INCENP: variants seen among roughly 807,000 people sequenced by gnomAD.
The protein encoded by INCENP is binds and activates aurora-B and -C in vivo and in vitro.
In INCENP, 43 loss-of-function variants were observed where a neutral mutation model predicts 107.3. The ratio of observed to expected loss-of-function variants is 0.40; its 90% confidence interval spans 0.31 to 0.52. INCENP has a LOEUF of 0.52. Ranked by LOEUF, INCENP falls within the 20% of genes least tolerant of loss-of-function variation. The pLI, the probability that INCENP is intolerant of heterozygous loss-of-function variation, is 0.53. For missense variants in INCENP, 1,089 were observed against 1,250.9 expected, an observed-to-expected ratio of 0.87 and a Z score of 1.95; for synonymous variants, 488 against 494.4, an observed-to-expected ratio of 0.99 and a Z score of 0.17.
At chr11:62,148,585 G>C (rs534618026) in intron 16 of INCENP, 31 bp downstream of exon 16, 1 of 1,581,252 alleles carries the variant, frequency 6.3e-7, no homozygotes, top group African/African-American at 1.3e-5. Context: ...GGCTCCCCTG[G>C]GGTCTGCCCT....
Position 62,145,220 on chromosome 11 carries a change from G to A in INCENP, c.1767G>A (p.Glu589=), listed in dbSNP as rs1565100284. ...RKVLQARERV[E]QMKEEKKKQI... ...TGCTGCAGGCCCGCGAGCGGGTGGA[G>A]CAGATGAAGGAGGAGAAGAAGAAGC... Residue 589 remains glutamate, a synonymous_variant, in exon 13 of 19, where the codon GAG becomes GAA. Transcript: ENST00000394818. The A allele has an allele frequency of 6.2e-7, 1 of 1,614,148 alleles. No individual in the cohort carries two copies. Among genetic ancestry groups the A allele is most frequent in the South Asian group, 1.1e-5 (1 of 91,088 alleles).
At position 62,150,938 on chromosome 11, in the gene INCENP, C is replaced by T. The variant is rs144031786; in HGVS notation, c.2542+731C>T. Among the ~76,000 whole-genome samples the T allele has an allele frequency of 1.6e-4, 24 of 152,304 alleles. 1 individual carries two copies. The East Asian group carries it at 4.6e-3, about 29-fold the overall frequency. The stretch of plus-strand genomic sequence containing the variant: ...AATCCCATAGCTGGTAGGCACACTA[C>T]AGAAACTTGTTTTTGTGAGTTTCAC... On this transcript the variant is annotated intron_variant, in intron 18 of 18. Coordinates refer to ENST00000394818, the MANE Select transcript of INCENP (RefSeq NM_001040694.2).
At chr11:62,148,950 G>T (rs1944315923) in intron 17 of INCENP, 104 bp downstream of exon 17, 2 of 619,032 alleles carry the variant, frequency 3.2e-6, no homozygotes, top group East Asian at 3.1e-5. Context: ...TAAGGAAAAG[G>T]ACAGATACAC....
At chr11:62,127,603 C>G (rs1371404662) in intron 1 of INCENP, among the ~76,000 whole-genome samples, 2 of 152,166 alleles carry the variant, frequency 1.3e-5, no homozygotes, top group African/African-American at 4.8e-5. Flanking sequence ...CTTCTGCTCA[C>G]TGGCCTCTTA....
At chr11:62,146,071 G>A (rs1944236645) in intron 14 of INCENP, among the ~76,000 whole-genome samples, 1 of 152,240 alleles carries the variant, frequency 6.6e-6, no homozygotes, top group African/African-American at 2.4e-5. Context: ...GTAGCAGTGA[G>A]GGTTAAATGT....
rs1944127389 is a variant in INCENP, at chr11:62,141,707, C to G, written c.1605+196C>G. 7.0e-5 allele frequency: 49 copies of G among 696,886 alleles called. 2 individuals carry two copies. The South Asian group carries it at 8.2e-4, about 12-fold the overall frequency. The allele number at this position is 696,886 out of a possible 1,614,324, so 43.2% of individuals were successfully genotyped here. On this transcript the variant is annotated intron_variant, in intron 11 of 18. Coordinates refer to ENST00000394818, the MANE Select transcript of INCENP (RefSeq NM_001040694.2). The stretch of plus-strand genomic sequence containing the variant: ...CAGTTCTGGGCCCCAGCGTCCTTCT[C>G]TGCCCTCCCTGCCCTTGACTCTGCT...
rs12271714 is a variant in INCENP, at chr11:62,138,513, G to A, written c.1116-200G>A. Among the ~76,000 whole-genome samples, 6,367 of 152,264 alleles carry A rather than the reference G, an allele frequency of 0.042. 472 individuals carry two copies. Among genetic ancestry groups the A allele is most frequent in the African/African-American group, 0.15 (6,070 of 41,524 alleles). ...GGAGATGAAGCCACATTCTGAAGCT[G>A]ACATCCCTCGTCTGTCCATGGAGCC... On this transcript the variant is annotated intron_variant, in intron 5 of 18. Coordinates refer to ENST00000394818, the MANE Select transcript of INCENP (RefSeq NM_001040694.2).
chr11:62,149,942 T>A (rs1474931272), intron 17 of INCENP, 115 bp from the exon 18 acceptor site: 5 of 1,035,690 alleles, frequency 4.8e-6, no homozygotes, highest in Non-Finnish European at 7.1e-6. Flanking sequence ...AAAGTGATCC[T>A]GCACCTTTTG....
intron 1 of INCENP, among the ~76,000 whole-genome samples, chr11:62,125,233 A>G (rs1237748246): frequency 2.6e-5 from 4 of 152,148 alleles, no homozygotes; most frequent in Non-Finnish European, 5.9e-5. Flanking sequence ...ACTTACGGTA[A>G]CCCTTTTTAA....
chr11:62,133,281 A>G lies in INCENP; in HGVS notation c.1063+2691A>G, dbSNP rs115271644. Among the ~76,000 whole-genome samples, 1,369 of 152,188 alleles carry G rather than the reference A, an allele frequency of 9.0e-3. 30 individuals are homozygous for G. Among genetic ancestry groups the G allele is most frequent in the African/African-American group, 0.031 (1,293 of 41,572 alleles). On this transcript the variant is annotated intron_variant, in intron 4 of 18. Coordinates refer to ENST00000394818, the MANE Select transcript of INCENP (RefSeq NM_001040694.2). ...AAAATTAAATTCGGGATGGGAAGGA[A>G]ACACCTGCACCAGAGGAATGGAAAA...
rs763216909 is a variant in INCENP, at chr11:62,145,128, A to G, written c.1715+37A>G. On this transcript the variant is annotated intron_variant, in intron 12 of 18. Coordinates refer to ENST00000394818, the MANE Select transcript of INCENP (RefSeq NM_001040694.2). Reference sequence around the variant, plus strand: ...GGCTTCCTGGACTGTGGCCCATCCCAGCCTTGGTGGGGCTCCCCATGACTA... The same window carrying G: ...GGCTTCCTGGACTGTGGCCCATCCCGGCCTTGGTGGGGCTCCCCATGACTA... The G allele has an allele frequency of 7.4e-6, 12 of 1,614,022 alleles. No homozygotes were observed. The East Asian group carries it at 2.0e-4, about 27-fold the overall frequency.
In INCENP at chr11:62,152,013, G is replaced by A. The variant is rs898402188; in HGVS notation, c.*37G>A. ...GGCCTTCTTGGCAGCCTCGCCTCCTGTCCATGTCTATCTGTCTGTCTGTCG... is the reference window on the plus strand; with the variant it reads ...GGCCTTCTTGGCAGCCTCGCCTCCTATCCATGTCTATCTGTCTGTCTGTCG... On this transcript the variant is annotated 3_prime_UTR_variant, in exon 19 of 19. Coordinates refer to ENST00000394818, the MANE Select transcript of INCENP (RefSeq NM_001040694.2). 40 of 1,470,546 alleles carry A rather than the reference G, an allele frequency of 2.7e-5. No homozygotes were observed. Among genetic ancestry groups the A allele is most frequent in the Non-Finnish European group, 3.8e-5 (40 of 1,064,994 alleles). The allele number at this position is 1,470,546 out of a possible 1,614,324, so 91.1% of individuals were successfully genotyped here. A position where few individuals can be genotyped will look rare whatever the true frequency, so the allele number is the denominator to read the frequency against.
chr11:62,128,593 G>A (rs769295917), intron 2 of INCENP, among the ~76,000 whole-genome samples, 177 bp from the exon 3 acceptor site: 1 of 152,226 alleles, frequency 6.6e-6, no homozygotes, highest in Non-Finnish European at 1.5e-5. Flanking sequence ...CGTGTCTCCA[G>A]GAGGAAGCCC....
At chr11:62,127,329 C>T (rs12417437) in intron 1 of INCENP, among the ~76,000 whole-genome samples, 6,687 of 152,168 alleles carry the variant, frequency 0.044, 167 homozygotes, top group Non-Finnish European at 0.05. Context: ...CCACTGCACC[C>T]GGCTGGTTAT....
Position 62,151,879 on chromosome 11 carries a change from G to A in INCENP, c.2660G>A (p.Arg887His), listed in dbSNP as rs764227289. 1.5e-5 allele frequency: 24 copies of A among 1,614,006 alleles called. No homozygotes were observed. The South Asian group carries it at 1.8e-4, about 12-fold the overall frequency. Residue 887 changes from arginine (R) to histidine (H), a missense_variant, in exon 19 of 19, where the codon CGC becomes CAC. Coordinates refer to ENST00000394818, the MANE Select transcript of INCENP (RefSeq NM_001040694.2). ...LEDIFKKSKP[R>H]YHKRTSSAVW... ...GATATCTTCAAGAAGAGCAAGCCCC[G>A]CTATCACAAGCGCACCAGCTCTGCT...
Position 62,152,534 on chromosome 11 carries a change from A to G in INCENP, c.*558A>G, listed in dbSNP as rs1230012494. On this transcript the variant is annotated 3_prime_UTR_variant, in exon 19 of 19. Coordinates refer to ENST00000394818, the MANE Select transcript of INCENP (RefSeq NM_001040694.2). ...ATAACCCTTGAGGAACACGTCAGTT[A>G]CTGTCACGATGGGGCAGGTGGAGCT... 1.3e-5 allele frequency: 2 copies of G among 153,232 alleles called. No homozygotes were observed. The highest frequency in any genetic ancestry group is 4.8e-5 in the African/African-American group (2 of 41,430). The allele number at this position is 153,232 out of a possible 1,614,324, so 9.5% of individuals were successfully genotyped here. A position where few individuals can be genotyped will look rare whatever the true frequency, so the allele number is the denominator to read the frequency against.
chr11:62,144,907 T>C (rs1944204058), intron 11 of INCENP, 75 bp from the exon 12 acceptor site: 1 of 1,332,882 alleles, frequency 7.5e-7, no homozygotes, highest in Non-Finnish European at 1.1e-6. Context: ...TGCTGGGGAC[T>C]GTGGGCAGCT....
chr11:62,129,795 A>C lies in INCENP; in HGVS notation c.268A>C (p.Lys90Gln). ...DPIRRRLSRR[K>Q]SRSSQLSSRR... The stretch of plus-strand genomic sequence containing the variant: ...TGCCCCTGCCAGGTTATCCCGCAGA[A>C]AGTCTCGGAGCAGCCAGCTGAGCTC... Residue 90 changes from lysine (K) to glutamine (Q), a missense_variant, in exon 4 of 19, where the codon AAG becomes CAG. Transcript: ENST00000394818. 6.2e-7 allele frequency: 1 copy of C among 1,605,310 alleles called. No homozygotes were observed. The highest frequency in any genetic ancestry group is 8.5e-7 in the Non-Finnish European group (1 of 1,177,686).
At chr11:62,133,536 G>A (rs1943933463) in intron 4 of INCENP, among the ~76,000 whole-genome samples, 1 of 152,190 alleles carries the variant, frequency 6.6e-6, no homozygotes, top group African/African-American at 2.4e-5. Flanking sequence ...CCTCTGCATT[G>A]GAGAACAGTC....
Sources: gnomAD v4.1 joint callset for allele counts (sites outside exome capture counted in the v4.1 genomes callset) on GRCh38, gnomAD v4.1.1 for gene constraint, MANE v1.5 for transcripts, NCBI Gene and HGNC (gene_info 2026-07-23, HGNC 2026-07-21) for gene names.